The following CPSF6 variants were observed in gnomAD, a reference collection of about 807,000 sequenced individuals.
CPSF6 encodes the protein cleavage and polyadenylation specificity factor subunit 6.
Under a neutral mutation model 56.7 loss-of-function variants are expected in CPSF6, and 10 were observed. The ratio of observed to expected loss-of-function variants is 0.18; its 90% CI spans 0.11 to 0.30. CPSF6 has a LOEUF of 0.30. CPSF6 is among the 10% of genes least tolerant of loss of function. The pLI is 1.00. For synonymous variants in CPSF6, 248 were observed against 244.8 expected (o/e 1.01, Z -0.12); for missense variants, 419 against 722.9 (o/e 0.58, Z 4.82).
chr12:69,259,287 G>A, intron 6 of CPSF6, 141 bp from the exon 7 acceptor site: 1 of 1,281,366 alleles, frequency 7.8e-7, no homozygotes, highest in Non-Finnish European at 1.1e-6. Context: ...TGTTGGAAAA[G>A]TAGCATGCTT....
intron 9 of CPSF6, among the ~76,000 whole-genome samples, chr12:69,268,253 A>C (rs1873085813): frequency 6.6e-6 from 1 of 151,860 alleles, no homozygotes; most frequent in African/African-American, 2.4e-5. Context: ...ATGAAGATGC[A>C]ATAAAAGATA....
chr12:69,249,152 C>CGGGGGGGG (rs548477892), intron 1 of CPSF6, among the ~76,000 whole-genome samples: 1 of 16,618 alleles, frequency 6.0e-5, no homozygotes, highest in Non-Finnish European at 9.8e-5. Flanking sequence ...CCCAGCTACT[C>CGGGGGGGG]GGGGGGGGGG....
At chr12:69,251,091 A>G in intron 1 of CPSF6, 38 bp from the exon 2 acceptor site, 2 of 1,560,864 alleles carry the variant, frequency 1.3e-6, no homozygotes, top group Non-Finnish European at 1.7e-6. Flanking sequence ...TAGTATTTTG[A>G]CTTTTGTATA....
intron 1 of CPSF6, among the ~76,000 whole-genome samples, chr12:69,250,709 C>T (rs1189598972): frequency 6.6e-6 from 1 of 151,496 alleles, no homozygotes; most frequent in Non-Finnish European, 1.5e-5. Context: ...TGCAATGGCA[C>T]GATCTTGGCT....
At position 69,251,247 on chromosome 12, in the gene CPSF6, TTGG is replaced by T. The variant is rs1337642112; in HGVS notation, c.182_184del (p.Gly61del). The T allele has an allele frequency of 6.2e-7, 1 of 1,613,078 alleles. No individual in the cohort carries two copies. ...TACATGGATACTCTCCCACCAACTGTTGGTGATGATGTGGGTAAAGGAGCAGCA... is the reference window on the plus strand; with the variant it reads ...TACATGGATACTCTCCCACCAACTGTTGATGATGTGGGTAAAGGAGCAGCA... On this transcript the variant is annotated inframe_deletion, in exon 2 of 10. Transcript: ENST00000435070.
At chr12:69,249,950 C>T (rs1872145466) in intron 1 of CPSF6, among the ~76,000 whole-genome samples, 2 of 152,102 alleles carry the variant, frequency 1.3e-5, no homozygotes, top group Non-Finnish European at 2.9e-5. Flanking sequence ...TTTTTGTTGT[C>T]TGTTGCTTTT....
chr12:69,249,541 C>T (rs12368406), intron 1 of CPSF6, among the ~76,000 whole-genome samples: 83,597 of 151,848 alleles, frequency 0.55, 23,273 homozygotes, highest in East Asian at 0.73. Context: ...CTGTAAGTTA[C>T]GTCTGAACTT....
In CPSF6 at chr12:69,256,746, G is replaced by A; in HGVS notation, c.424G>A (p.Asp142Asn). The A allele has an allele frequency of 6.2e-7, 1 of 1,613,824 alleles. No homozygotes were observed. The highest frequency in any genetic ancestry group is 8.5e-7 in the Non-Finnish European group (1 of 1,179,860). The change falls in exon 4 of 10, where the codon GAT becomes AAT. Residue 142 changes from aspartate (D) to asparagine (N), a missense_variant. Transcript: ENST00000435070. ...GSEASSKKLM[D>N]LLPKRELHGQ... ...TGAAGCATCTTCAAAAAAGTTAATG[G>A]ATCTGTTACCTAAAAGAGAACTTCA...
At chr12:69,243,154 G>A (rs1367403758) in intron 1 of CPSF6, among the ~76,000 whole-genome samples, 2 of 152,132 alleles carry the variant, frequency 1.3e-5, no homozygotes, top group African/African-American at 4.8e-5. Flanking sequence ...TGCCAACAAC[G>A]AGGGATACAA....
At chr12:69,257,464 G>A (rs1023661486) in intron 4 of CPSF6, among the ~76,000 whole-genome samples, 5 of 152,158 alleles carry the variant, frequency 3.3e-5, no homozygotes, top group East Asian at 1.9e-4. Context: ...GAAGAATTTC[G>A]GTCTTGGCTG....
rs1039806732 is a variant in CPSF6, at chr12:69,248,520, G to A, written c.61-2609G>A. Among the ~76,000 whole-genome samples the A allele has an allele frequency of 2.0e-5, 3 of 152,154 alleles. No individual in the cohort carries two copies. The East Asian group carries it at 5.8e-4, about 29-fold the overall frequency. ...ATGGAACTACTGCTGCAGCCACACC[G>A]CCTGAAGCTTCAGCCACACTGAAAC... On this transcript the variant is annotated intron_variant, in intron 1 of 9. Transcript: ENST00000435070.
In CPSF6 at chr12:69,258,058, A is replaced by T; in HGVS notation, c.694+153A>T. ...AGGAAATTTGATCAAGCATCTTGTT[A>T]AAGGAACTCGGCCTTTGTTCCTGGA... On this transcript the variant is annotated intron_variant, in intron 5 of 9. Transcript: ENST00000435070. The surrounding 1 kb of genome is among the most constrained non-coding windows in gnomAD (Gnocchi z 4.2). 1 of 1,538,754 alleles carries T rather than the reference A, an allele frequency of 6.5e-7. No individual in the cohort carries two copies. The highest frequency in any genetic ancestry group is 8.7e-7 in the Non-Finnish European group (1 of 1,146,536).
At chr12:69,245,748 A>G (rs760034395) in intron 1 of CPSF6, among the ~76,000 whole-genome samples, 23 of 152,200 alleles carry the variant, frequency 1.5e-4, no homozygotes, top group Admixed American at 2.6e-4. Context: ...CTGTCAGGCC[A>G]TCACCGATAG....
rs558761937 is a variant in CPSF6 at position 69,256,370 on chromosome 12, A to G, written c.375-327A>G. ...ATTTTGAATGACTGAATTCTATGGT[A>G]TGTTATACAAGATGAACAAAAATGT... is the stretch of plus-strand genomic sequence containing the variant. On this transcript the variant is annotated intron_variant, in intron 3 of 9. Coordinates refer to ENST00000435070, the MANE Select transcript of CPSF6 (RefSeq NM_007007.3). 7.2e-4 allele frequency among the ~76,000 whole-genome samples: 109 copies of G among 152,372 alleles called. No homozygotes were observed. In the South Asian group the frequency reaches 0.019, roughly 26 times the overall value.
rs754890635 is a variant in CPSF6 at position 69,258,807 on chromosome 12, C to T, written c.912C>T (p.Gly304=). ...PGPPPPVPGY[G]PPPGPPPPQQ... Reference sequence around the variant, plus strand: ...CTCCACCTCCAGTTCCAGGCTACGGCCCCCCTCCTGGCCCACCACCTCCAC... The same window carrying T: ...CTCCACCTCCAGTTCCAGGCTACGGTCCCCCTCCTGGCCCACCACCTCCAC... Residue 304 remains glycine, a synonymous_variant, in exon 6 of 10, where the codon GGC becomes GGT. Coordinates refer to ENST00000435070, the MANE Select transcript of CPSF6 (RefSeq NM_007007.3). The surrounding 1 kb of genome is among the most constrained non-coding windows in gnomAD (Gnocchi z 4.2). The T allele has an allele frequency of 9.9e-6, 16 of 1,613,534 alleles. No homozygotes were observed. The African/African-American group carries it at 1.9e-4, about 19-fold the overall frequency.
Position 69,265,921 on chromosome 12 carries a change from T to C in CPSF6, c.*3+3359T>C, listed in dbSNP as rs1246816662. Among the ~76,000 whole-genome samples the C allele has an allele frequency of 2.6e-5, 4 of 152,096 alleles. No homozygotes were observed. In the East Asian group the frequency reaches 7.7e-4, roughly 29 times the overall value. ...GCGCCCAGTCTAGTCTGATTACTTT[T>C]TTCCTACCTTAAATATCATGATCTT... On this transcript the variant is annotated intron_variant, in intron 9 of 9. Transcript: ENST00000435070.
chr12:69,244,830 T>C (rs595348), intron 1 of CPSF6, among the ~76,000 whole-genome samples: 114,752 of 152,036 alleles, frequency 0.75, 43,847 homozygotes, highest in African/African-American at 0.88. Context: ...AGGGGCAGTA[T>C]GATGCATGGG....
chr12:69,262,699 T>C (rs1872798844), intron 9 of CPSF6, 137 bp downstream of exon 9: 3 of 1,106,290 alleles, frequency 2.7e-6, no homozygotes, highest in Non-Finnish European at 3.6e-6. Flanking sequence ...TGGAAACATC[T>C]GAAACAAATT....
chr12:69,240,695 A>T (rs1425865204), intron 1 of CPSF6, among the ~76,000 whole-genome samples: 1 of 59,696 alleles, frequency 1.7e-5, no homozygotes. Context: ...CCCCACCCCC[A>T]CCCCCGGGCC....
Sources: gnomAD v4.1 joint callset for allele counts (sites outside exome capture counted in the v4.1 genomes callset) on GRCh38, gnomAD v4.1.1 for gene constraint, Gnocchi (gnomAD v3.1) non-coding constraint, MANE v1.5 for transcripts, NCBI Gene and HGNC (gene_info 2026-07-23, HGNC 2026-07-21) for gene names.